B3GALT1: variants seen among roughly 807,000 people sequenced by gnomAD.
B3GALT1 encodes the protein UDP-Gal:betaGlcNAc beta 1,3-galactosyltransferase, polypeptide 1.
A neutral mutation model predicts 23.2 loss-of-function variants in B3GALT1; 10 were observed. That is an observed-to-expected ratio of 0.43 (90% CI 0.27 to 0.73). B3GALT1 has a LOEUF of 0.73. B3GALT1 is among the 30% of genes least tolerant of loss of function. The probability of loss-of-function intolerance (pLI) is 0.21; values close to 1 mark genes in which losing one functional copy is unlikely to be tolerated. For synonymous variants in B3GALT1, 156 were observed against 141.5 expected, an observed-to-expected ratio of 1.10 and a Z score of -0.73; for missense variants, 299 against 405.4, an observed-to-expected ratio of 0.74 and a Z score of 2.25.
At chr2:167,398,437 C>G (rs1183141783) in intron 1 of B3GALT1, among the ~76,000 whole-genome samples, 3 of 152,020 alleles carry the variant, frequency 2.0e-5, no homozygotes, top group African/African-American at 7.2e-5. Flanking sequence ...ATTGCTATCT[C>G]TCTATTCTCC....
intron 2 of B3GALT1, among the ~76,000 whole-genome samples, chr2:167,631,829 G>A (rs548490460): frequency 1.2e-3 from 167 of 141,886 alleles, no homozygotes; most frequent in Middle Eastern, 3.9e-3. Flanking sequence ...TTTAAGTTCC[G>A]GGATACATGT....
intron 1 of B3GALT1, among the ~76,000 whole-genome samples, chr2:167,337,406 ACAC>A (rs1375527638): frequency 2.6e-5 from 4 of 152,050 alleles, no homozygotes; most frequent in Non-Finnish European, 5.9e-5. Flanking sequence ...ACACCCACAC[ACAC>A]CACAATAAAA....
chr2:167,430,509 G>A (rs1173902521), intron 1 of B3GALT1, among the ~76,000 whole-genome samples: 2 of 152,156 alleles, frequency 1.3e-5, no homozygotes, highest in African/African-American at 4.8e-5. Context: ...TTCCAGGTGA[G>A]TAGTAATAGT....
At chr2:167,851,832 C>T (rs1192475824) in intron 4 of B3GALT1, among the ~76,000 whole-genome samples, 1 of 152,194 alleles carries the variant, frequency 6.6e-6, no homozygotes, top group Non-Finnish European at 1.5e-5. Flanking sequence ...CTCTACTAGT[C>T]TTCTGAGACT....
At chr2:167,777,254 A>G (rs1322884841) in intron 3 of B3GALT1, among the ~76,000 whole-genome samples, 1 of 152,222 alleles carries the variant, frequency 6.6e-6, no homozygotes, top group Non-Finnish European at 1.5e-5. Flanking sequence ...ATGACACCCA[A>G]TAACACTTAT....
intron 1 of B3GALT1, among the ~76,000 whole-genome samples, chr2:167,389,930 A>G (rs537034444): frequency 2.8e-3 from 412 of 146,008 alleles, no homozygotes; most frequent in African/African-American, 0.011. Flanking sequence ...AAAAACAAAA[A>G]AAAAAAAGAA....
chr2:167,866,452 C>A (rs1012795531), intron 4 of B3GALT1, among the ~76,000 whole-genome samples: 2 of 152,192 alleles, frequency 1.3e-5, no homozygotes, highest in Admixed American at 6.5e-5. Context: ...CAATACTTCA[C>A]ATACAACCGG....
intron 3 of B3GALT1, among the ~76,000 whole-genome samples, chr2:167,705,854 G>A (rs4667968): frequency 0.97 from 148,298 of 152,314 alleles, 72,311 homozygotes; most frequent in East Asian, 1. Flanking sequence ...CACTTTCTCA[G>A]TCACACTAGC....
intron 2 of B3GALT1, among the ~76,000 whole-genome samples, chr2:167,532,045 A>G (rs747482907): frequency 1.3e-4 from 20 of 152,246 alleles, no homozygotes; most frequent in Non-Finnish European, 2.5e-4. Flanking sequence ...TCTAAGTTGA[A>G]TATGTAAATT....
At chr2:167,578,851 G>A (rs1684429310) in intron 2 of B3GALT1, among the ~76,000 whole-genome samples, 1 of 151,998 alleles carries the variant, frequency 6.6e-6, no homozygotes, top group Admixed American at 6.6e-5. Context: ...GAGTTATGGG[G>A]ATATTTGGAG....
intron 2 of B3GALT1, among the ~76,000 whole-genome samples, chr2:167,632,016 CTCCCACTTATGAGTGAGAACATGTGGTGT>C (rs1685457623): frequency 6.6e-6 from 1 of 151,682 alleles, no homozygotes; most frequent in Admixed American, 6.6e-5. Flanking sequence ...CATTGTTCAA[CTCCCACTTATGAGTGAGAACATGTGGTGT>C]TCGGTTTTCT....
chr2:167,540,912 T>C (rs1482503879), intron 2 of B3GALT1, among the ~76,000 whole-genome samples: 1 of 152,190 alleles, frequency 6.6e-6, no homozygotes, highest in Admixed American at 6.5e-5. Context: ...ATTGAAATGA[T>C]CACTTTCCAA....
intron 3 of B3GALT1, among the ~76,000 whole-genome samples, chr2:167,727,012 T>G (rs1687327469): frequency 6.6e-6 from 1 of 152,218 alleles, no homozygotes; most frequent in South Asian, 2.1e-4. Context: ...TGAAAAACCT[T>G]TGACCCCTTT....
chr2:167,561,090 A>G (rs1490643775), intron 2 of B3GALT1, among the ~76,000 whole-genome samples: 1 of 152,152 alleles, frequency 6.6e-6, no homozygotes, highest in Non-Finnish European at 1.5e-5. Context: ...AAAGAACAGA[A>G]ATTATAACAA....
At chr2:167,496,864 G>A (rs966274206) in intron 2 of B3GALT1, among the ~76,000 whole-genome samples, 5 of 152,088 alleles carry the variant, frequency 3.3e-5, no homozygotes, top group African/African-American at 1.2e-4. Flanking sequence ...CCCTGAAGAA[G>A]GCTCTCACCA....
chr2:167,561,377 A>G (rs1159281306), intron 2 of B3GALT1, among the ~76,000 whole-genome samples: 1 of 152,172 alleles, frequency 6.6e-6, no homozygotes, highest in Non-Finnish European at 1.5e-5. Context: ...TTGACACCCT[A>G]ACATCACAAT....
At chr2:167,416,004 A>G (rs1429170162) in intron 1 of B3GALT1, among the ~76,000 whole-genome samples, 2 of 152,084 alleles carry the variant, frequency 1.3e-5, no homozygotes, top group African/African-American at 4.8e-5. Context: ...AAGAGAAGCA[A>G]AAAAAAAGAT....
At chr2:167,509,111 C>T (rs556966646) in intron 2 of B3GALT1, among the ~76,000 whole-genome samples, 16 of 152,216 alleles carry the variant, frequency 1.1e-4, no homozygotes, top group Admixed American at 9.2e-4. Context: ...AGCAAAAATA[C>T]ATTGCAATTT....
At chr2:167,523,643 T>C (rs1210947680) in intron 2 of B3GALT1, among the ~76,000 whole-genome samples, 1 of 152,168 alleles carries the variant, frequency 6.6e-6, no homozygotes, top group African/African-American at 2.4e-5. Context: ...GAGGCTGGTC[T>C]CGAACACCTA....
Sources: allele counts gnomAD v4.1 joint callset (sites outside exome capture counted in the v4.1 genomes callset), GRCh38; gene constraint gnomAD v4.1.1; transcripts MANE v1.5; gene names NCBI Gene and HGNC (gene_info 2026-07-23, HGNC 2026-07-21).